The following RIN3 variants were observed in gnomAD, a reference collection of about 807,000 sequenced individuals.
RIN3 encodes the protein Ras and Rab interactor 3.
RIN3 carries 54 observed loss-of-function variants against 76.3 expected under a neutral mutation model. The observed-to-expected ratio is 0.71, with a 90% CI of 0.57 to 0.89. The LOEUF (loss-of-function observed/expected upper bound fraction) is 0.89, where lower values mean the gene tolerates loss of function less well. Ranked by LOEUF, RIN3 falls within the 40% of genes least tolerant of loss-of-function variation. The pLI is 0.00. For synonymous variants in RIN3, 576 were observed against 564.0 expected, an observed-to-expected ratio of 1.02 and a Z score of -0.30; for missense variants, 1,256 against 1,322.1, an observed-to-expected ratio of 0.95 and a Z score of 0.78.
intron 4 of RIN3, among the ~76,000 whole-genome samples, chr14:92,638,567 AC>A (rs1345635728): frequency 6.6e-6 from 1 of 152,190 alleles, no homozygotes; most frequent in Non-Finnish European, 1.5e-5. Context: ...ATTGTGATAC[AC>A]ACGGCGACGG....
chr14:92,520,575 G>A (rs1896570795), intron 1 of RIN3, among the ~76,000 whole-genome samples: 1 of 152,226 alleles, frequency 6.6e-6, no homozygotes, highest in Non-Finnish European at 1.5e-5. Context: ...AGGCACTGAT[G>A]CGAAAGCCTG....
chr14:92,610,437 T>G (rs1288733700), intron 3 of RIN3, among the ~76,000 whole-genome samples: 2 of 152,188 alleles, frequency 1.3e-5, no homozygotes, highest in Non-Finnish European at 2.9e-5. Flanking sequence ...AACTGTTCTT[T>G]ACGGGTCCTC....
chr14:92,688,129 C>A lies in RIN3; in HGVS notation c.2835C>A (p.Gly945=). 1 of 1,609,966 alleles carries A rather than the reference C, an allele frequency of 6.2e-7. No individual in the cohort carries two copies. The change falls in exon 10 of 10, where the codon GGC becomes GGA. Residue 945 remains glycine, a synonymous_variant. Coordinates refer to ENST00000216487, the MANE Select transcript of RIN3 (RefSeq NM_024832.5). ...ADDALPHCIK[G]YLLRSEPKRD... is the part of the protein sequence containing the mutation. ...ACGCGCTGCCGCACTGCATCAAGGG[C>A]TACCTGCTGCGCAGCGAGCCCAAGC...
At chr14:92,649,175 C>T (rs1482637492) in intron 5 of RIN3, among the ~76,000 whole-genome samples, 1 of 152,214 alleles carries the variant, frequency 6.6e-6, no homozygotes, top group East Asian at 1.9e-4. Context: ...GGGGCGGCTA[C>T]AGCCGTGATC....
At chr14:92,674,002 T>C (rs1888376446) in intron 7 of RIN3, among the ~76,000 whole-genome samples, 1 of 152,150 alleles carries the variant, frequency 6.6e-6, no homozygotes, top group Admixed American at 6.5e-5. Context: ...GTTTGTTAAC[T>C]TTTTCCACCT....
chr14:92,545,582 C>T (rs145762334), intron 1 of RIN3, among the ~76,000 whole-genome samples: 3 of 114,700 alleles, frequency 2.6e-5, no homozygotes, highest in South Asian at 2.9e-4. Flanking sequence ...TTTTCTTTTT[C>T]TTTTTTTTTT....
intron 3 of RIN3, among the ~76,000 whole-genome samples, chr14:92,583,425 C>G (rs773807377): frequency 2.0e-5 from 3 of 152,232 alleles, no homozygotes; most frequent in Non-Finnish European, 4.4e-5. Context: ...GCTGTGGTAA[C>G]AAACAACCCT....
intron 2 of RIN3, among the ~76,000 whole-genome samples, chr14:92,567,624 A>ATT (rs34729914): frequency 0.13 from 17,290 of 133,418 alleles, 1,272 homozygotes; most frequent in East Asian, 0.18. Flanking sequence ...CTTCTGCTGC[A>ATT]TTTTTTTTTT....
intron 7 of RIN3, among the ~76,000 whole-genome samples, chr14:92,672,645 T>C (rs988270985): frequency 6.9e-6 from 1 of 145,882 alleles, no homozygotes; most frequent in Non-Finnish European, 1.5e-5. Context: ...ATAAATTATA[T>C]ATATATGTGT....
At chr14:92,650,569 C>T (rs902518092) in intron 5 of RIN3, among the ~76,000 whole-genome samples, 1 of 152,354 alleles carries the variant, frequency 6.6e-6, no homozygotes. Context: ...TCTGCATCTG[C>T]CTGGGTCATC....
chr14:92,647,159 G>T (rs1887231139), intron 5 of RIN3, among the ~76,000 whole-genome samples: 1 of 152,210 alleles, frequency 6.6e-6, no homozygotes, highest in Admixed American at 6.5e-5. Context: ...AGATAGGGAT[G>T]ATGTTGCTGA....
At chr14:92,627,486 G>A (rs774832069) in intron 4 of RIN3, among the ~76,000 whole-genome samples, 5 of 152,194 alleles carry the variant, frequency 3.3e-5, no homozygotes, top group Admixed American at 1.3e-4. Flanking sequence ...ATTCACACAA[G>A]CAGCACCGCA....
intron 8 of RIN3, among the ~76,000 whole-genome samples, chr14:92,684,686 C>T (rs1044085896): frequency 2.6e-5 from 4 of 152,120 alleles, no homozygotes; most frequent in Non-Finnish European, 4.4e-5. Context: ...CTTGTGTATC[C>T]TTTAAATTTT....
chr14:92,545,818 G>GGTACCCCACA (rs1446856281), intron 1 of RIN3, among the ~76,000 whole-genome samples: 2 of 151,900 alleles, frequency 1.3e-5, no homozygotes, highest in Non-Finnish European at 2.9e-5. Flanking sequence ...ACTTCAGTGG[G>GGTACCCCACA]TATTTCTCAA....
chr14:92,611,271 G>A (rs1331435768), intron 3 of RIN3, among the ~76,000 whole-genome samples: 1 of 148,000 alleles, frequency 6.8e-6, no homozygotes, highest in African/African-American at 2.5e-5. Context: ...CTGGGTCTGT[G>A]TCCCATGCCC....
rs1420511655 is a variant in RIN3, at chr14:92,643,573, C to T, written c.532+2244C>T. ...TGCAGATGACCTCCCCCTAGGGGTT[C>T]GATGACACCGACCATTGCAGAGCAC... On this transcript the variant is annotated intron_variant, in intron 5 of 9. Coordinates refer to ENST00000216487, the MANE Select transcript of RIN3 (RefSeq NM_024832.5). The surrounding 1 kb of genome is among the most constrained non-coding windows in gnomAD (Gnocchi z 4.8). Among the ~76,000 whole-genome samples, 5 of 152,130 alleles carry T rather than the reference C, an allele frequency of 3.3e-5. No individual in the cohort carries two copies. Among genetic ancestry groups the T allele is most frequent in the East Asian group, 1.9e-4 (1 of 5,194 alleles).
intron 1 of RIN3, among the ~76,000 whole-genome samples, chr14:92,521,606 CCCCCTT>C (rs1230252893): frequency 6.6e-6 from 1 of 152,124 alleles, no homozygotes; most frequent in Non-Finnish European, 1.5e-5. Context: ...CATACCTGCT[CCCCCTT>C]CCCCTTCCAC....
intron 7 of RIN3, among the ~76,000 whole-genome samples, chr14:92,663,321 C>T (rs1373937538): frequency 6.6e-6 from 1 of 152,182 alleles, no homozygotes; most frequent in Non-Finnish European, 1.5e-5. Context: ...GAAGGAATGG[C>T]TCATTTTGAG....
chr14:92,687,616 T>C, intron 9 of RIN3: 1 of 363,202 alleles, frequency 2.8e-6, no homozygotes, highest in South Asian at 4.0e-5. Context: ...AGGGAGGGAA[T>C]GAATGAATGA....
Sources: gnomAD v4.1 joint callset for allele counts (sites outside exome capture counted in the v4.1 genomes callset) on GRCh38, gnomAD v4.1.1 for gene constraint, Gnocchi (gnomAD v3.1) non-coding constraint, MANE v1.5 for transcripts, NCBI Gene and HGNC (gene_info 2026-07-23, HGNC 2026-07-21) for gene names.